Variants in NBEAL1 observed in about 807,000 individuals in gnomAD.
The protein encoded by NBEAL1 is neurobeachin-like protein 1.
A neutral mutation model predicts 351.3 loss-of-function variants in NBEAL1; 273 were observed. The observed-to-expected ratio is 0.78, with a 90% CI of 0.70 to 0.86. The LOEUF (loss-of-function observed/expected upper bound fraction) is 0.86. NBEAL1 is among the 40% of genes least tolerant of loss of function. The probability of loss-of-function intolerance (pLI) is 0.00; values close to 1 mark genes in which losing one functional copy is unlikely to be tolerated. For missense variants in NBEAL1, 2,961 were observed against 3,201.3 expected (o/e 0.92, Z 1.81); for synonymous variants, 1,050 against 1,086.4 (o/e 0.97, Z 0.66).
intron 36 of NBEAL1, among the ~76,000 whole-genome samples, chr2:203,158,818 T>TG (rs2063867123): frequency 7.2e-6 from 1 of 139,720 alleles, no homozygotes; most frequent in Non-Finnish European, 1.6e-5. Context: ...CTGTAGGGTT[T>TG]TTTTTTTTTT....
chr2:203,190,308 T>A lies in NBEAL1; in HGVS notation c.6840T>A (p.Asp2280Glu). ...TGGTTTTAGGAGCTGTGGATCTGGA[T>A]GCCTTAACAGATGAGAAAGAAAGAA... is the stretch of plus-strand genomic sequence containing the variant. ...YCSYEGAVDLDALTDEKERKA... is the reference protein window; with the variant it reads ...YCSYEGAVDLEALTDEKERKA... Residue 2280 changes from aspartate to glutamate, a missense_variant, in exon 46 of 56, where the codon GAT becomes GAA. By Grantham distance (45) the Asp-to-Glu change is conservative. Transcript: ENST00000683969. 1 of 1,610,224 alleles carries A rather than the reference T, an allele frequency of 6.2e-7. No individual in the cohort carries two copies. Among genetic ancestry groups the A allele is most frequent in the Middle Eastern group, 1.7e-4 (1 of 6,030 alleles).
chr2:203,068,487 C>T lies in NBEAL1; in HGVS notation c.598+12C>T. On this transcript the variant is annotated intron_variant, in intron 7 of 55. Coordinates refer to ENST00000683969, the MANE Select transcript of NBEAL1 (RefSeq NM_001378026.1). The stretch of plus-strand genomic sequence containing the variant: ...CCCTTTCTTTTATCGTAAGTAACAC[C>T]TCTAATTTCTCTTGCTATGATTATC... The T allele has an allele frequency of 7.1e-7, 1 of 1,409,178 alleles. No homozygotes were observed. The highest frequency in any genetic ancestry group is 2.5e-5 in the East Asian group (1 of 40,094). The allele number at this position is 1,409,178 out of a possible 1,614,324, so 87.3% of individuals were successfully genotyped here. A position where few individuals can be genotyped will look rare whatever the true frequency, so the allele number is the denominator to read the frequency against.
At chr2:203,070,226 AT>A (rs2061658291) in intron 7 of NBEAL1, among the ~76,000 whole-genome samples, 1 of 151,574 alleles carries the variant, frequency 6.6e-6, no homozygotes, top group South Asian at 2.1e-4. Context: ...TACTGCATCT[AT>A]TTGAGGTGCT....
chr2:203,180,621 C>A, intron 43 of NBEAL1, 109 bp downstream of exon 43: 2 of 1,034,878 alleles, frequency 1.9e-6, no homozygotes, highest in Non-Finnish European at 2.7e-6. Context: ...AAGATTCATT[C>A]TGTCTGTGGA....
intron 36 of NBEAL1, among the ~76,000 whole-genome samples, chr2:203,163,801 A>C (rs1359237070): frequency 6.6e-6 from 1 of 152,098 alleles, no homozygotes; most frequent in Middle Eastern, 3.2e-3. Context: ...GGGTTATTTC[A>C]GTTTGGGATT....
At chr2:203,029,795 C>G (rs2106013573) in intron 2 of NBEAL1, among the ~76,000 whole-genome samples, 1 of 151,970 alleles carries the variant, frequency 6.6e-6, no homozygotes. Flanking sequence ...ATATACACCT[C>G]TATTACAATA....
At chr2:203,128,016 C>A (rs2106288412) in intron 24 of NBEAL1, 79 bp downstream of exon 24, 1 of 1,083,740 alleles carries the variant, frequency 9.2e-7, no homozygotes, top group Non-Finnish European at 1.3e-6. Context: ...ATGTTTGTGT[C>A]TAGTTAAATA....
intron 14 of NBEAL1, 78 bp downstream of exon 14, chr2:203,108,266 T>TC: frequency 8.7e-7 from 1 of 1,144,716 alleles, no homozygotes; most frequent in Non-Finnish European, 1.2e-6. Flanking sequence ...GGAAAACTGT[T>TC]TCCAAGCATC....
chr2:203,083,845 A>G (rs1285203103), intron 9 of NBEAL1, among the ~76,000 whole-genome samples: 3 of 152,230 alleles, frequency 2.0e-5, no homozygotes, highest in African/African-American at 7.2e-5. Context: ...CACCATTTGT[A>G]GTAACCTATG....
chr2:203,171,038 C>G (rs2064302721), intron 39 of NBEAL1, among the ~76,000 whole-genome samples: 1 of 152,090 alleles, frequency 6.6e-6, no homozygotes, highest in Non-Finnish European at 1.5e-5. Flanking sequence ...TGGTGGATCC[C>G]CTGAGGTCAA....
chr2:203,125,852 G>A, intron 20 of NBEAL1, 108 bp from the exon 21 acceptor site: 1 of 932,626 alleles, frequency 1.1e-6, no homozygotes, highest in Non-Finnish European at 1.5e-6. Flanking sequence ...GAAGCTGACT[G>A]CTGAACCAGA....
chr2:203,091,021 A>G (rs1290508711), intron 10 of NBEAL1, among the ~76,000 whole-genome samples: 7 of 152,182 alleles, frequency 4.6e-5, no homozygotes, highest in Non-Finnish European at 7.4e-5. Flanking sequence ...TAGCATCTTA[A>G]CCATTTTTTA....
intron 4 of NBEAL1, among the ~76,000 whole-genome samples, chr2:203,050,334 T>C (rs747068198): frequency 1.6e-4 from 24 of 152,230 alleles, no homozygotes; most frequent in Non-Finnish European, 3.2e-4. Context: ...GTGATGTTTG[T>C]AGTTGATATG....
At chr2:203,155,247 CAAAA>C (rs71226711) in intron 35 of NBEAL1, among the ~76,000 whole-genome samples, 1 of 138,092 alleles carries the variant, frequency 7.2e-6, no homozygotes. Context: ...AACCCTCTCT[CAAAA>C]AAAAAAAAAA....
At chr2:203,187,505 C>T (rs1394602684) in intron 44 of NBEAL1, among the ~76,000 whole-genome samples, 1 of 149,896 alleles carries the variant, frequency 6.7e-6, no homozygotes, top group Non-Finnish European at 1.5e-5. Flanking sequence ...TTTGGGAGGC[C>T]AAGGCGGGTG....
In NBEAL1 at chr2:203,224,478, A is replaced by G. The variant is rs544401438; in HGVS notation, c.*7124A>G. On this transcript the variant is annotated 3_prime_UTR_variant, in exon 56 of 56. Transcript: ENST00000683969. ...CTACTGAGGCATAAAAATATGAAAC[A>G]TATTTAATTCATCTCTTTTGTCAGT... Among the ~76,000 whole-genome samples, 8 of 152,276 alleles carry G rather than the reference A, an allele frequency of 5.3e-5. 1 individual carries two copies. The highest frequency in any genetic ancestry group is 1.9e-4 in the African/African-American group (8 of 41,576).
At chr2:203,183,414 G>C (rs765329276) in intron 44 of NBEAL1, 26 bp downstream of exon 44, 1 of 1,251,992 alleles carries the variant, frequency 8.0e-7, no homozygotes, top group South Asian at 1.4e-5. Context: ...TTAGTTATTT[G>C]ACAGAATAAT....
chr2:203,129,982 C>T (rs1432453311), intron 24 of NBEAL1, among the ~76,000 whole-genome samples: 2 of 152,070 alleles, frequency 1.3e-5, no homozygotes, highest in South Asian at 2.1e-4. Context: ...GGCGGCATGA[C>T]GAAACCCCAT....
At chr2:203,053,664 T>A (rs748241425) in intron 4 of NBEAL1, among the ~76,000 whole-genome samples, 26 of 152,136 alleles carry the variant, frequency 1.7e-4, no homozygotes, top group South Asian at 4.2e-4. Flanking sequence ...CGCAGGTACA[T>A]GCCACCATGC....
Sources: allele counts gnomAD v4.1 joint callset (sites outside exome capture counted in the v4.1 genomes callset), GRCh38; gene constraint gnomAD v4.1.1; transcripts MANE v1.5; gene names NCBI Gene and HGNC (gene_info 2026-07-23, HGNC 2026-07-21).